STARD9: variants seen among roughly 807,000 people sequenced by gnomAD.
The protein encoded by STARD9 is stAR-related lipid transfer protein 9.
A neutral mutation model predicts 399.8 loss-of-function variants in STARD9; 346 were observed. That is an observed-to-expected ratio of 0.87 (90% confidence interval 0.79 to 0.95). The LOEUF (loss-of-function observed/expected upper bound fraction) is 0.95. Ranked by LOEUF, STARD9 falls within the 40% of genes least tolerant of loss-of-function variation. STARD9 has a pLI of 0.00. For synonymous variants in STARD9, 2,203 were observed against 2,143.5 expected (o/e 1.03, Z -0.77); for missense variants, 5,832 against 5,667.5 (o/e 1.03, Z -0.93).
chr15:42,587,528 G>A (rs1257822369), intron 3 of STARD9, among the ~76,000 whole-genome samples: 1 of 152,152 alleles, frequency 6.6e-6, no homozygotes, highest in Non-Finnish European at 1.5e-5. Flanking sequence ...ACAGGGGCAG[G>A]TCTAGGCTTG....
rs1469449252 is a variant in STARD9 at position 42,668,925 on chromosome 15, A to T, written c.1318-233A>T. Among the ~76,000 whole-genome samples, 7 of 152,208 alleles carry T rather than the reference A, an allele frequency of 4.6e-5. 1 individual carries two copies. On this transcript the variant is annotated intron_variant, in intron 15 of 32. Transcript: ENST00000290607. ...CATTGCAGAAAACTTTAAAAATAAC[A>T]TTTATTGAGGGGGCTTCTGTTTATA... is the stretch of plus-strand genomic sequence containing the variant.
At position 42,689,223 on chromosome 15, in the gene STARD9, C is replaced by T. The variant is rs114416020; in HGVS notation, c.7645C>T (p.Leu2549=). The T allele has an allele frequency of 8.9e-3, 13,665 of 1,537,246 alleles. 408 individuals carry two copies. The African/African-American group carries it at 0.09, about 10-fold the overall frequency. The change falls in exon 23 of 33, where the codon CTG becomes TTG. Residue 2549 remains leucine (L), a synonymous_variant. Coordinates refer to ENST00000290607, the MANE Select transcript of STARD9 (RefSeq NM_020759.3). ...LEPSDHASMC[L]AILEEIRQAK... ...GCCCTCTGACCATGCATCCATGTGC[C>T]TGGCCATCTTGGAGGAGATCAGACA...
At position 42,685,101 on chromosome 15, in the gene STARD9, C is replaced by T. The variant is rs745435705; in HGVS notation, c.3523C>T (p.Pro1175Ser). ...GNRPTNNRGQ[P>S]RTRTRASVRG... ...TCGTCCCACCAACAACCGTGGCCAACCCAGGACCAGAACTAGAGCTTCTGT... is the reference window on the plus strand; with the variant it reads ...TCGTCCCACCAACAACCGTGGCCAATCCAGGACCAGAACTAGAGCTTCTGT... The change falls in exon 23 of 33, where the codon CCC becomes TCC. Residue 1175 changes from proline (P) to serine (S), a missense_variant. Physicochemically the swap from Pro to Ser is moderately conservative, Grantham distance 74. Coordinates refer to ENST00000290607, the MANE Select transcript of STARD9 (RefSeq NM_020759.3). The T allele has an allele frequency of 7.2e-6, 11 of 1,537,194 alleles. No homozygotes were observed. Among genetic ancestry groups the T allele is most frequent in the Non-Finnish European group, 1.7e-6 (2 of 1,146,928 alleles).
rs533022215 is a variant in STARD9, at chr15:42,682,791, C to G, written c.2537+216C>G. 5.3e-5 allele frequency among the ~76,000 whole-genome samples: 8 copies of G among 152,280 alleles called. No individual in the cohort carries two copies. In the South Asian group the frequency reaches 1.0e-3, roughly 20 times the overall value. The stretch of plus-strand genomic sequence containing the variant: ...CAGGCCTTTCCCATCTTCCTTACCC[C>G]CTGAGTAGCAATTCTTGCTTCTTTG... On this transcript the variant is annotated intron_variant, in intron 22 of 32. Transcript: ENST00000290607.
intron 3 of STARD9, among the ~76,000 whole-genome samples, chr15:42,623,935 G>T (rs750804927): frequency 1.3e-5 from 2 of 152,236 alleles, no homozygotes; most frequent in Non-Finnish European, 2.9e-5. Flanking sequence ...CCCAAATTAT[G>T]TCAGTTAACT....
Position 42,674,915 on chromosome 15 carries a change from C to A in STARD9, c.1638C>A (p.Arg546=). The change falls in exon 18 of 33, where the codon CGC becomes CGA. Residue 546 remains arginine, a synonymous_variant. Coordinates refer to ENST00000290607, the MANE Select transcript of STARD9 (RefSeq NM_020759.3). ...TTCTACGACCTGCCCGTGGGGCCCG[C>A]TGTACAGTCAATGGCCGGGAGGTCA... is the stretch of plus-strand genomic sequence containing the variant. ...VVVLRPARGA[R]CTVNGREVTA... is the part of the protein sequence containing the mutation. 1 of 1,537,042 alleles carries A rather than the reference C, an allele frequency of 6.5e-7. No individual in the cohort carries two copies. The highest frequency in any genetic ancestry group is 1.4e-5 in the African/African-American group (1 of 73,154).
intron 10 of STARD9, 106 bp from the exon 11 acceptor site, chr15:42,662,688 T>C (rs926612761): frequency 4.6e-6 from 3 of 656,554 alleles, no homozygotes; most frequent in Non-Finnish European, 7.5e-6. Context: ...ATTATGTGAG[T>C]CCTTTACAGC....
chr15:42,638,855 C>A, intron 7 of STARD9, 43 bp downstream of exon 7: 1 of 1,178,552 alleles, frequency 8.5e-7, no homozygotes, highest in Non-Finnish European at 1.2e-6. Flanking sequence ...AAACTGAAGC[C>A]TGGGAAGCTC....
chr15:42,681,424 G>C lies in STARD9; in HGVS notation c.1877G>C (p.Arg626Thr), dbSNP rs1290228788. ...AACCTCAGCCGCTTCTGTGACAGGAGAGCGCTTGAAGAGCAATGTGACGAG... is the reference window on the plus strand; with the variant it reads ...AACCTCAGCCGCTTCTGTGACAGGACAGCGCTTGAAGAGCAATGTGACGAG... Reference protein sequence around the residue: ...GLSPLLWKERRALEEQCDEDH... With the variant: ...GLSPLLWKERTALEEQCDEDH... The change falls in exon 21 of 33, where the codon AGA becomes ACA. Residue 626 changes from arginine to threonine, a missense_variant and splice_region_variant. Physicochemically the swap from Arg to Thr is moderately conservative, Grantham distance 71. This residue lies in a region of STARD9 where 5,828 missense variants were observed against 5,651.1 expected (regional missense o/e 1.03). Coordinates refer to ENST00000290607, the MANE Select transcript of STARD9 (RefSeq NM_020759.3). The C allele has an allele frequency of 6.5e-7, 1 of 1,535,130 alleles. No homozygotes were observed. Among genetic ancestry groups the C allele is most frequent in the Non-Finnish European group, 8.7e-7 (1 of 1,146,162 alleles).
At position 42,685,499 on chromosome 15, in the gene STARD9, A is replaced by G. The variant is rs1170960248; in HGVS notation, c.3921A>G (p.Glu1307=). 1.3e-6 allele frequency: 2 copies of G among 1,535,778 alleles called. No individual in the cohort carries two copies. The highest frequency in any genetic ancestry group is 4.9e-5 in the East Asian group (2 of 40,868). The change falls in exon 23 of 33, where the codon GAA becomes GAG. Residue 1307 remains glutamate, a synonymous_variant. Coordinates refer to ENST00000290607, the MANE Select transcript of STARD9 (RefSeq NM_020759.3). ...TCCAGCCCCATTGTGAGCAGGCTGA[A>G]TCACAGGTAGAGCCAAGCTACTCTG... ...CELQPHCEQA[E]SQVEPSYSEQ... is the part of the protein sequence containing the mutation.
intron 3 of STARD9, among the ~76,000 whole-genome samples, chr15:42,590,743 C>G (rs965854511): frequency 6.6e-6 from 1 of 152,046 alleles, no homozygotes; most frequent in East Asian, 1.9e-4. Flanking sequence ...GGGAAGGAGA[C>G]AGTCTTGTCA....
At chr15:42,667,025 G>T (rs1202449246) in intron 15 of STARD9, among the ~76,000 whole-genome samples, 2 of 152,118 alleles carry the variant, frequency 1.3e-5, no homozygotes, top group Non-Finnish European at 2.9e-5. Flanking sequence ...ACATTGGCCA[G>T]GCTGGTGTCA....
rs1566966065 is a variant in STARD9, at chr15:42,712,090, T to TATATAAAAA, written c.13285-4582_13285-4581insAAAAATATA. 6.5e-4 allele frequency among the ~76,000 whole-genome samples: 4 copies of TATATAAAAA among 6,142 alleles called. No individual in the cohort carries two copies. The South Asian group carries it at 0.021, about 33-fold the overall frequency. 4.0% of individuals were successfully genotyped at this position (6,142 alleles called of 152,430 possible). On this transcript the variant is annotated intron_variant, in intron 26 of 32. Coordinates refer to ENST00000290607, the MANE Select transcript of STARD9 (RefSeq NM_020759.3). ...TATATATATATATATATTATATATATATATATAATATATAATATATAATAT... is the reference window on the plus strand; with the variant it reads ...TATATATATATATATATTATATATATATATAAAAAATATATAATATATAATATATAATAT...
intron 16 of STARD9, among the ~76,000 whole-genome samples, chr15:42,673,461 C>T (rs980268027): frequency 6.6e-6 from 1 of 152,012 alleles, no homozygotes; most frequent in Non-Finnish European, 1.5e-5. Context: ...GTTATGAAGT[C>T]GAAAAAGCTG....
chr15:42,694,260 C>T lies in STARD9; in HGVS notation c.12682C>T (p.Leu4228Phe). Residue 4228 changes from leucine to phenylalanine, a missense_variant, in exon 23 of 33, where the codon CTC becomes TTC. By Grantham distance (22) the Leu-to-Phe change is conservative. This residue lies in a region of STARD9 where 5,828 missense variants were observed against 5,651.1 expected (regional missense o/e 1.03). Coordinates refer to ENST00000290607, the MANE Select transcript of STARD9 (RefSeq NM_020759.3). ...HHGFGEADAL[L>F]QVLQSGTGEA... ...TGGCTTTGGGGAGGCCGATGCCCTG[C>T]TCCAGGTGCTGCAGAGTGGGACAGG... is the stretch of plus-strand genomic sequence containing the variant. 2 of 1,526,658 alleles carry T rather than the reference C, an allele frequency of 1.3e-6. No homozygotes were observed. Among genetic ancestry groups the T allele is most frequent in the East Asian group, 2.4e-5 (1 of 40,818 alleles). The allele number at this position is 1,526,658 out of a possible 1,614,324, so 94.6% of individuals were successfully genotyped here.
chr15:42,622,352 T>C (rs75041627), intron 3 of STARD9, among the ~76,000 whole-genome samples: 1 of 147,502 alleles, frequency 6.8e-6, no homozygotes, highest in African/African-American at 2.5e-5. Flanking sequence ...TCTCTCTCCC[T>C]CTCTCTCTCT....
chr15:42,614,612 TTAAAA>T (rs2058919357), intron 3 of STARD9, among the ~76,000 whole-genome samples: 1 of 152,146 alleles, frequency 6.6e-6, no homozygotes, highest in African/African-American at 2.4e-5. Flanking sequence ...GCAATATGTA[TTAAAA>T]TAAATATTTT....
Position 42,684,158 on chromosome 15 carries a change from G to A in STARD9, c.2580G>A (p.Arg860=). The A allele has an allele frequency of 6.5e-7, 1 of 1,536,950 alleles. No individual in the cohort carries two copies. Among genetic ancestry groups the A allele is most frequent in the East Asian group, 2.4e-5 (1 of 40,918 alleles). The part of the protein sequence containing the change: ...SWDPSTTLPP[R]PDPTHQTSEK... ...ATCCCTCTACCACATTGCCACCTAG[G>A]CCTGACCCTACACACCAAACATCAG... The change falls in exon 23 of 33, where the codon AGG becomes AGA. Residue 860 remains arginine, a synonymous_variant. Transcript: ENST00000290607.
Position 42,716,973 on chromosome 15 carries a change from G to A in STARD9, c.13419G>A (p.Leu4473=). ...GTTGCTGCTGTTCACCATCCAGTCT[G>A]TCCAGCTTGGGGACCTGCTTTTCCT... The part of the protein sequence containing the change: ...LGSCCCSPSS[L]SSLGTCFSSS... Residue 4473 remains leucine, a synonymous_variant, in exon 28 of 33, where the codon CTG becomes CTA. Coordinates refer to ENST00000290607, the MANE Select transcript of STARD9 (RefSeq NM_020759.3). 1 of 1,537,250 alleles carries A rather than the reference G, an allele frequency of 6.5e-7. No homozygotes were observed. The highest frequency in any genetic ancestry group is 8.7e-7 in the Non-Finnish European group (1 of 1,146,910).
Sources: allele counts gnomAD v4.1 joint callset (sites outside exome capture counted in the v4.1 genomes callset), GRCh38; gene constraint gnomAD v4.1.1; regional missense constraint gnomAD v4.1.1; transcripts MANE v1.5; gene names NCBI Gene and HGNC (gene_info 2026-07-23, HGNC 2026-07-21).